ANLN: variants seen among roughly 807,000 people sequenced by gnomAD.
The protein encoded by ANLN is anillin.
ANLN carries 59 observed loss-of-function variants against 135.1 expected under a neutral mutation model. That is an observed-to-expected ratio of 0.44 (90% CI 0.35 to 0.54). ANLN has a LOEUF of 0.54. ANLN is among the 20% of genes least tolerant of loss of function. The pLI is 0.00. For synonymous variants in ANLN, 406 were observed against 456.4 expected, an observed-to-expected ratio of 0.89 and a Z score of 1.41; for missense variants, 1,182 against 1,340.0, an observed-to-expected ratio of 0.88 and a Z score of 1.84.
intron 21 of ANLN, 92 bp downstream of exon 21, chr7:36,439,382 G>C (rs1788672869): frequency 2.7e-6 from 2 of 744,236 alleles, no homozygotes; most frequent in Non-Finnish European, 4.4e-6. Flanking sequence ...TTGTGATTAA[G>C]TAATAAGTTG....
At chr7:36,405,326 T>C (rs1005691925) in intron 3 of ANLN, among the ~76,000 whole-genome samples, 1 of 152,212 alleles carries the variant, frequency 6.6e-6, no homozygotes, top group Non-Finnish European at 1.5e-5. Context: ...TCTCAGAATG[T>C]ATCCCCATTG....
intron 5 of ANLN, 143 bp from the exon 6 acceptor site, chr7:36,410,371 T>C (rs1787360607): frequency 1.4e-6 from 1 of 692,198 alleles, no homozygotes; most frequent in African/African-American, 1.8e-5. Flanking sequence ...TTTTGAAGTA[T>C]TTTTATAGTC....
At chr7:36,408,080 C>A in intron 5 of ANLN, 124 bp downstream of exon 5, 2 of 720,872 alleles carry the variant, frequency 2.8e-6, no homozygotes, top group Non-Finnish European at 4.5e-6. Flanking sequence ...CTGAATGTTC[C>A]AAATGAGACC....
At position 36,406,010 on chromosome 7, in the gene ANLN, A is replaced by G. The variant is rs73106319; in HGVS notation, c.488-171A>G. Among the ~76,000 whole-genome samples the G allele has an allele frequency of 0.04, 6,095 of 152,306 alleles. 172 individuals are homozygous for G. Among genetic ancestry groups the G allele is most frequent in the African/African-American group, 0.07 (2,900 of 41,568 alleles). ...TCGGATTTAATATCATTTGATTTAA[A>G]AAGATATTGTCAAATTTAAATAACT... On this transcript the variant is annotated intron_variant, in intron 3 of 23. Transcript: ENST00000265748.
In ANLN at chr7:36,424,681, C is replaced by T. The variant is rs537671302; in HGVS notation, c.2653-5C>T. 5.6e-5 allele frequency: 91 copies of T among 1,611,042 alleles called. No homozygotes were observed. In the South Asian group the frequency reaches 6.9e-4, roughly 12 times the overall value. ...AAATTAATTATGCTTTGGGTTTGTGCGTAGGTGCAAAAGAAAGATCCCTCA... is the reference window on the plus strand; with the variant it reads ...AAATTAATTATGCTTTGGGTTTGTGTGTAGGTGCAAAAGAAAGATCCCTCA... On this transcript the variant is annotated splice_polypyrimidine_tract_variant and splice_region_variant and intron_variant, in intron 16 of 23. Coordinates refer to ENST00000265748, the MANE Select transcript of ANLN (RefSeq NM_018685.5).
chr7:36,452,514 C>G lies in ANLN; in HGVS notation c.3289C>G (p.Leu1097Val), dbSNP rs759685567. The change falls in exon 24 of 24, where the codon CTC (leucine) becomes GTC (valine). Residue 1097 changes from leucine (L) to valine (V), a missense_variant. Around this residue, in one of 3 missense-constraint regions of ANLN, gnomAD observed 78 missense variants for 72.7 expected, o/e 1.07. Coordinates refer to ENST00000265748, the MANE Select transcript of ANLN (RefSeq NM_018685.5). Reference sequence around the variant, plus strand: ...TGCAGATACTAAAGAAGAGCGGGATCTCTGGATGCAAAAACTCAATCAAGT... The same window carrying G: ...TGCAGATACTAAAGAAGAGCGGGATGTCTGGATGCAAAAACTCAATCAAGT... ...LSADTKEERD[L>V]WMQKLNQVLV... 1.2e-6 allele frequency: 2 copies of G among 1,614,058 alleles called. No homozygotes were observed. The highest frequency in any genetic ancestry group is 1.3e-5 in the African/African-American group (1 of 75,030).
intron 1 of ANLN, among the ~76,000 whole-genome samples, chr7:36,391,277 G>C (rs908206700): frequency 6.6e-6 from 1 of 152,138 alleles, no homozygotes; most frequent in African/African-American, 2.4e-5. Context: ...GTCGAAAAGC[G>C]TGTATTTATT....
chr7:36,439,428 C>A, intron 21 of ANLN, 138 bp downstream of exon 21: 1 of 583,552 alleles, frequency 1.7e-6, no homozygotes, highest in Non-Finnish European at 3.0e-6. Flanking sequence ...CTTTATATGC[C>A]AATCACTGTG....
chr7:36,412,786 C>T (rs1180619833), intron 7 of ANLN, among the ~76,000 whole-genome samples: 2 of 152,186 alleles, frequency 1.3e-5, no homozygotes, highest in Admixed American at 1.3e-4. Flanking sequence ...CACAGGTATG[C>T]TTCAGTCCTG....
intron 3 of ANLN, among the ~76,000 whole-genome samples, chr7:36,405,536 A>G (rs1405097427): frequency 6.6e-6 from 1 of 152,214 alleles, no homozygotes; most frequent in East Asian, 1.9e-4. Context: ...TGGCTTCCCT[A>G]TATACATGCC....
Position 36,399,309 on chromosome 7 carries a change from G to A in ANLN, c.403G>A (p.Glu135Lys). ...GMRRGLNSRLEATAASSVKTR... is the reference protein window; with the variant it reads ...GMRRGLNSRLKATAASSVKTR... ...GAGGAGAGGGCTGAACTCAAGATTG[G>A]AAGCAACTGCAGCCTCCTCAGTTAA... The change falls in exon 3 of 24, where the codon GAA becomes AAA. Residue 135 changes from glutamate (E) to lysine (K), a missense_variant. Physicochemically the swap from Glu to Lys is moderately conservative, Grantham distance 56. Around this residue, in one of 3 missense-constraint regions of ANLN, gnomAD observed 1,022 missense variants for 1,134.0 expected, o/e 0.90. Transcript: ENST00000265748. 6.8e-6 allele frequency: 11 copies of A among 1,614,126 alleles called. No homozygotes were observed. Among genetic ancestry groups the A allele is most frequent in the Non-Finnish European group, 9.3e-6 (11 of 1,180,018 alleles).
chr7:36,396,250 A>G lies in ANLN; in HGVS notation c.19-16A>G, dbSNP rs1198440078. On this transcript the variant is annotated splice_polypyrimidine_tract_variant and intron_variant, in intron 1 of 23. Coordinates refer to ENST00000265748, the MANE Select transcript of ANLN (RefSeq NM_018685.5). ...ATTAAACTTGTGTTTTAACACTGAT[A>G]TATTTATTTATGTAGAAACTGCTGG... The G allele has an allele frequency of 1.1e-5, 17 of 1,554,032 alleles. No homozygotes were observed. Among genetic ancestry groups the G allele is most frequent in the African/African-American group, 1.4e-5 (1 of 72,730 alleles).
rs1396486924 is a variant in ANLN at position 36,422,639 on chromosome 7, A to G, written c.2306A>G (p.Lys769Arg). Residue 769 changes from lysine (K) to arginine (R), a missense_variant, in exon 14 of 24, where the codon AAG becomes AGG. Lys to Arg is a conservative substitution (Grantham distance 26, BLOSUM62 2). Coordinates refer to ENST00000265748, the MANE Select transcript of ANLN (RefSeq NM_018685.5). ...AERLLLIATG[K>R]RTLLIDELNK... is the part of the protein sequence containing the mutation. ...ATTGCGTTGTTTTACATAGCTGGGA[A>G]GAGAACACTTTTGATTGATGAATTG... 1 of 1,600,676 alleles carries G rather than the reference A, an allele frequency of 6.2e-7. No individual in the cohort carries two copies. The highest frequency in any genetic ancestry group is 8.5e-7 in the Non-Finnish European group (1 of 1,176,156).
intron 11 of ANLN, 115 bp downstream of exon 11, chr7:36,420,429 G>C: frequency 7.2e-7 from 1 of 1,394,464 alleles, no homozygotes; most frequent in Non-Finnish European, 9.8e-7. Flanking sequence ...ATAAAAGTTT[G>C]GAATAACTTT....
intron 3 of ANLN, 32 bp downstream of exon 3, chr7:36,399,425 A>G (rs1173546751): frequency 1.3e-6 from 2 of 1,506,858 alleles, no homozygotes; most frequent in Non-Finnish European, 9.0e-7. Flanking sequence ...TGGCCCATAC[A>G]TCTGTTCCAA....
chr7:36,428,403 T>A (rs896591119), intron 20 of ANLN: 34 of 1,124,560 alleles, frequency 3.0e-5, no homozygotes, highest in Non-Finnish European at 3.9e-5. Flanking sequence ...AGCTTAAAAA[T>A]CAATCCTTAA....
chr7:36,396,341 A>G lies in ANLN; in HGVS notation c.94A>G (p.Arg32Gly). ...KMAERPTAAP[R>G]SMTHAKRARQ... ...GGCTGAGAGGCCCACAGCAGCTCCA[A>G]GGTCTATGACTCATGCTAAGCGAGC... Residue 32 changes from arginine (R) to glycine (G), a missense_variant, in exon 2 of 24, where the codon AGG (arginine) becomes GGG (glycine). Physicochemically the swap from Arg to Gly is moderately radical, Grantham distance 125. Around this residue, in one of 3 missense-constraint regions of ANLN, gnomAD observed 1,022 missense variants for 1,134.0 expected, o/e 0.90. Coordinates refer to ENST00000265748, the MANE Select transcript of ANLN (RefSeq NM_018685.5). The G allele has an allele frequency of 6.2e-7, 1 of 1,610,762 alleles. No homozygotes were observed.
Position 36,426,003 on chromosome 7 carries a change from T to A in ANLN, c.2749-12T>A, listed in dbSNP as rs1788064563. The A allele has an allele frequency of 3.3e-6, 5 of 1,521,694 alleles. No individual in the cohort carries two copies. Among genetic ancestry groups the A allele is most frequent in the Middle Eastern group, 1.8e-4 (1 of 5,656 alleles). 94.3% of individuals were successfully genotyped at this position (1,521,694 alleles called of 1,614,324 possible). ...TTATGTTTCTTCTTCACACCTTTTT[T>A]TTTTTTTTTAGAAAAGCAACATTCA... On this transcript the variant is annotated splice_polypyrimidine_tract_variant and intron_variant, in intron 18 of 23. Coordinates refer to ENST00000265748, the MANE Select transcript of ANLN (RefSeq NM_018685.5).
intron 20 of ANLN, among the ~76,000 whole-genome samples, chr7:36,429,459 G>C (rs1392436778): frequency 2.0e-5 from 3 of 152,136 alleles, no homozygotes; most frequent in African/African-American, 7.2e-5. Context: ...AACCTCAGGC[G>C]ATCTGCTCGC....
Sources: gnomAD v4.1 joint callset for allele counts (sites outside exome capture counted in the v4.1 genomes callset) on GRCh38, gnomAD v4.1.1 for gene constraint, gnomAD v4.1.1 regional missense constraint, MANE v1.5 for transcripts, NCBI Gene and HGNC (gene_info 2026-07-23, HGNC 2026-07-21) for gene names.